The following DGKI variants were observed in gnomAD, a reference collection of about 807,000 sequenced individuals.
DGKI encodes DAG kinase iota.
A neutral mutation model predicts 147.5 loss-of-function variants in DGKI; 55 were observed. The ratio of observed to expected loss-of-function variants is 0.37; its 90% CI spans 0.30 to 0.47. DGKI has a LOEUF of 0.47. DGKI is among the 20% of genes least tolerant of loss of function. DGKI has a pLI of 1.00. For missense variants in DGKI, 1,007 were observed against 1,323.8 expected, an observed-to-expected ratio of 0.76 and a Z score of 3.71; for synonymous variants, 469 against 477.1, an observed-to-expected ratio of 0.98 and a Z score of 0.22.
In DGKI at chr7:137,630,116, A is replaced by T. The variant is rs112406223; in HGVS notation, c.805-6562T>A. The stretch of plus-strand genomic sequence containing the variant: ...GCAAATTAGCTGAATCTAGATAGTT[A>T]CTTTATTAGAATCATCTTTGAAAAA... On this transcript the variant is annotated intron_variant, in intron 6 of 32. Coordinates refer to ENST00000614521, the MANE Select transcript of DGKI (RefSeq NM_001321708.2). 1.9e-3 allele frequency among the ~76,000 whole-genome samples: 288 copies of T among 152,306 alleles called. 2 individuals are homozygous for T. Among genetic ancestry groups the T allele is most frequent in the African/African-American group, 6.7e-3 (277 of 41,576 alleles).
rs73730624 is a variant in DGKI, at chr7:137,458,279, C to T, written c.2735+5210G>A. ...AAATCCTCTGCCAATCATAAAAACC[C>T]ATTAGCCTTGTGCAGCTGATCGGGT... is the stretch of plus-strand genomic sequence containing the variant. On this transcript the variant is annotated intron_variant, in intron 27 of 32. Coordinates refer to ENST00000614521, the MANE Select transcript of DGKI (RefSeq NM_001321708.2). 6.8e-3 allele frequency among the ~76,000 whole-genome samples: 1,034 copies of T among 152,244 alleles called. 13 individuals are homozygous for T. Among genetic ancestry groups the T allele is most frequent in the African/African-American group, 0.024 (990 of 41,532 alleles).
At chr7:137,526,876 G>T (rs1382137966) in intron 20 of DGKI, among the ~76,000 whole-genome samples, 1 of 151,946 alleles carries the variant, frequency 6.6e-6, no homozygotes, top group Admixed American at 6.6e-5. Context: ...GATAAGAGAC[G>T]CCTCTCATCC....
At chr7:137,748,640 G>A (rs902340178) in intron 1 of DGKI, among the ~76,000 whole-genome samples, 2 of 151,966 alleles carry the variant, frequency 1.3e-5, no homozygotes, top group Admixed American at 6.6e-5. Flanking sequence ...GAAGCCATGG[G>A]GAACTTTTAT....
chr7:137,460,736 A>T (rs1814405574), intron 27 of DGKI, among the ~76,000 whole-genome samples: 1 of 152,200 alleles, frequency 6.6e-6, no homozygotes, highest in Non-Finnish European at 1.5e-5. Flanking sequence ...AATTAGAGAT[A>T]CTCCAACTTG....
intron 1 of DGKI, among the ~76,000 whole-genome samples, chr7:137,747,865 A>C (rs2116740975): frequency 6.6e-6 from 1 of 152,352 alleles, no homozygotes; most frequent in South Asian, 2.1e-4. Flanking sequence ...TGTGTGAGCA[A>C]GAAACATTCT....
At chr7:137,694,655 G>A (rs761623015) in intron 1 of DGKI, among the ~76,000 whole-genome samples, 2 of 152,336 alleles carry the variant, frequency 1.3e-5, no homozygotes, top group South Asian at 4.1e-4. Context: ...TGTCTAAGAA[G>A]TTACTCAGTG....
At chr7:137,415,570 A>G (rs1453589133) in intron 28 of DGKI, among the ~76,000 whole-genome samples, 5 of 152,296 alleles carry the variant, frequency 3.3e-5, no homozygotes, top group Non-Finnish European at 2.9e-5. Flanking sequence ...TTAATACTAT[A>G]GGATGTTCTC....
At chr7:137,702,912 G>A (rs1824031581) in intron 1 of DGKI, among the ~76,000 whole-genome samples, 1 of 152,102 alleles carries the variant, frequency 6.6e-6, no homozygotes, top group South Asian at 2.1e-4. Flanking sequence ...ATAACAACTG[G>A]GGCAAATAAG....
At chr7:137,830,519 T>C (rs966608491) in intron 1 of DGKI, among the ~76,000 whole-genome samples, 2 of 152,206 alleles carry the variant, frequency 1.3e-5, no homozygotes, top group Non-Finnish European at 2.9e-5. Context: ...TTGGACCACA[T>C]TTTTAGTTTA....
At chr7:137,583,703 G>A (rs1056762011) in intron 14 of DGKI, among the ~76,000 whole-genome samples, 4 of 151,686 alleles carry the variant, frequency 2.6e-5, no homozygotes, top group African/African-American at 4.8e-5. Flanking sequence ...TCTATTGCAC[G>A]TCTAACTATT....
intron 30 of DGKI, among the ~76,000 whole-genome samples, chr7:137,399,230 T>A (rs1811660705): frequency 6.6e-6 from 1 of 152,198 alleles, no homozygotes; most frequent in African/African-American, 2.4e-5. Flanking sequence ...ATACTATGTA[T>A]TTGCTTTTTG....
At chr7:137,788,647 C>T (rs946735221) in intron 1 of DGKI, among the ~76,000 whole-genome samples, 5 of 65,798 alleles carry the variant, frequency 7.6e-5, no homozygotes, top group Non-Finnish European at 1.7e-4. Context: ...CACACACACA[C>T]ACACACACAC....
At chr7:137,582,072 GA>G (rs1819215813) in intron 14 of DGKI, 144 bp from the exon 15 acceptor site, 6 of 513,120 alleles carry the variant, frequency 1.2e-5, no homozygotes, top group Non-Finnish European at 2.1e-5. Context: ...TGCTTATGTA[GA>G]AAGAACAGGA....
chr7:137,660,895 G>T (rs541843905), intron 3 of DGKI, among the ~76,000 whole-genome samples: 3 of 152,158 alleles, frequency 2.0e-5, no homozygotes, highest in East Asian at 1.9e-4. Flanking sequence ...AAGGAGAAGA[G>T]GGGTGGGTCC....
chr7:137,485,284 G>T, intron 23 of DGKI, 90 bp downstream of exon 23: 1 of 975,444 alleles, frequency 1.0e-6, no homozygotes, highest in Non-Finnish European at 1.6e-6. Context: ...TAGGGAAGAT[G>T]TGAACTCTAA....
intron 6 of DGKI, among the ~76,000 whole-genome samples, chr7:137,638,456 ATATATGTGTGTATATATGTGTG>A (rs1414478903): frequency 1.7e-4 from 16 of 94,404 alleles, no homozygotes; most frequent in East Asian, 6.4e-4. Context: ...ACACACACAT[ATATATGTGTGTATATATGTGTG>A]TATATATATA....
chr7:137,441,074 C>T (rs1452145538), intron 28 of DGKI, among the ~76,000 whole-genome samples: 2 of 152,174 alleles, frequency 1.3e-5, no homozygotes, highest in African/African-American at 4.8e-5. Context: ...TGTGCTTCCT[C>T]TTCTACTGCC....
At chr7:137,519,605 A>G (rs1163629436) in intron 21 of DGKI, among the ~76,000 whole-genome samples, 2 of 152,022 alleles carry the variant, frequency 1.3e-5, no homozygotes, top group East Asian at 1.9e-4. Context: ...TTCTGAAATA[A>G]CATTTATTTT....
At chr7:137,404,740 C>T (rs544910435) in intron 30 of DGKI, among the ~76,000 whole-genome samples, 1 of 152,102 alleles carries the variant, frequency 6.6e-6, no homozygotes, top group Admixed American at 6.5e-5. Flanking sequence ...AACATCTAAC[C>T]AAAGCACTGG....
Sources: allele counts gnomAD v4.1 joint callset (sites outside exome capture counted in the v4.1 genomes callset), GRCh38; gene constraint gnomAD v4.1.1; transcripts MANE v1.5; gene names NCBI Gene and HGNC (gene_info 2026-07-23, HGNC 2026-07-21).